KIF26B: variants seen among roughly 807,000 people sequenced by gnomAD.
KIF26B encodes the protein kinesin family member 26B, also known as kinesin-like protein KIF26B.
KIF26B carries 63 observed loss-of-function variants against 151.2 expected under a neutral mutation model. The ratio of observed to expected loss-of-function variants is 0.42; its 90% CI spans 0.34 to 0.51. KIF26B has a LOEUF of 0.51. Among genes scored for constraint, KIF26B ranks in the 20% least tolerant of loss-of-function variants. The pLI is 0.07. For synonymous variants in KIF26B, 1,357 were observed against 1,262.1 expected (o/e 1.08, Z -1.59); for missense variants, 2,813 against 2,913.6 (o/e 0.97, Z 0.79).
intron 4 of KIF26B, among the ~76,000 whole-genome samples, chr1:245,464,716 C>T (rs1280171522): frequency 2.0e-5 from 3 of 151,860 alleles, no homozygotes; most frequent in Non-Finnish European, 4.4e-5. Context: ...GCGTCTGGCA[C>T]ACGGTGTTTT....
intron 2 of KIF26B, among the ~76,000 whole-genome samples, chr1:245,314,739 A>C (rs1671730618): frequency 6.6e-6 from 1 of 152,264 alleles, no homozygotes; most frequent in Non-Finnish European, 1.5e-5. Flanking sequence ...GGTGCCCTCC[A>C]TTCGTCAGTT....
chr1:245,559,419 T>G (rs1662113439), intron 5 of KIF26B, among the ~76,000 whole-genome samples: 1 of 152,164 alleles, frequency 6.6e-6, no homozygotes. Context: ...TTTTGGTTTT[T>G]GGGTTTTTGT....
In KIF26B at chr1:245,560,914, G is replaced by A. The variant is rs1203587587; in HGVS notation, c.1350+19964G>A. ...CCTCCAAAATTGCAGCCCCTAAGGG[G>A]AGCCGTGCTAAGGTGTGATACAGGC... is the stretch of plus-strand genomic sequence containing the variant. On this transcript the variant is annotated intron_variant, in intron 5 of 14. Coordinates refer to ENST00000407071, the MANE Select transcript of KIF26B (RefSeq NM_018012.4). The surrounding 1 kb of genome is among the most constrained non-coding windows in gnomAD (Gnocchi z 4.3). 2.0e-5 allele frequency among the ~76,000 whole-genome samples: 3 copies of A among 152,222 alleles called. No individual in the cohort carries two copies. In the East Asian group the frequency reaches 5.8e-4, roughly 29 times the overall value.
chr1:245,380,062 G>A (rs1231870941), intron 3 of KIF26B, among the ~76,000 whole-genome samples: 2 of 151,938 alleles, frequency 1.3e-5, no homozygotes, highest in East Asian at 3.9e-4. Flanking sequence ...ACAGTCTTTA[G>A]TGTGATGAAT....
At chr1:245,433,476 A>G (rs1420558084) in intron 4 of KIF26B, among the ~76,000 whole-genome samples, 7 of 146,782 alleles carry the variant, frequency 4.8e-5, no homozygotes, top group African/African-American at 1.8e-4. Context: ...CAAAAAAAAA[A>G]AAAGAAGAAG....
intron 8 of KIF26B, among the ~76,000 whole-genome samples, chr1:245,610,417 G>T (rs1207690808): frequency 6.6e-6 from 1 of 152,206 alleles, no homozygotes; most frequent in African/African-American, 2.4e-5. Context: ...CCCCCCCAGA[G>T]TTTCCAATTC....
At chr1:245,700,218 C>T (rs557637255) in intron 14 of KIF26B, among the ~76,000 whole-genome samples, 76 of 152,296 alleles carry the variant, frequency 5.0e-4, no homozygotes, top group African/African-American at 1.8e-3. Flanking sequence ...ACACTTAACT[C>T]TGAGCCTTGA....
chr1:245,157,146 A>C (rs773875105), intron 2 of KIF26B, among the ~76,000 whole-genome samples: 28 of 152,182 alleles, frequency 1.8e-4, no homozygotes, highest in Non-Finnish European at 4.0e-4. Flanking sequence ...GGTTGCAGAA[A>C]CAGAAACATA....
At chr1:245,697,828 C>A (rs1371311380) in intron 12 of KIF26B, among the ~76,000 whole-genome samples, 1 of 152,012 alleles carries the variant, frequency 6.6e-6, no homozygotes, top group African/African-American at 2.4e-5. Flanking sequence ...TCACTTGAGG[C>A]CAGGAGTTTG....
intron 2 of KIF26B, among the ~76,000 whole-genome samples, chr1:245,268,128 C>T (rs1670780953): frequency 2.6e-5 from 4 of 152,124 alleles, no homozygotes; most frequent in South Asian, 4.2e-4. Context: ...GCCATGATTG[C>T]ACCACTGCAC....
rs572682645 is a variant in KIF26B at position 245,248,381 on chromosome 1, C to T, written c.465+91698C>T. ...AGGCACGCTTACCTTCTAGATTTCTCACACTCCTCCAGAGTTGCATTCTGC... is the reference window on the plus strand; with the variant it reads ...AGGCACGCTTACCTTCTAGATTTCTTACACTCCTCCAGAGTTGCATTCTGC... On this transcript the variant is annotated intron_variant, in intron 2 of 14. Transcript: ENST00000407071. Among the ~76,000 whole-genome samples the T allele has an allele frequency of 6.6e-5, 10 of 152,318 alleles. No individual in the cohort carries two copies. In the South Asian group the frequency reaches 2.1e-3, roughly 32 times the overall value.
rs1018756482 is a variant in KIF26B, at chr1:245,639,209, A to C, written c.2099-6912A>C. Among the ~76,000 whole-genome samples, 8 of 151,950 alleles carry C rather than the reference A, an allele frequency of 5.3e-5. No individual in the cohort carries two copies. In the East Asian group the frequency reaches 1.5e-3, roughly 29 times the overall value. On this transcript the variant is annotated intron_variant, in intron 9 of 14. Coordinates refer to ENST00000407071, the MANE Select transcript of KIF26B (RefSeq NM_018012.4). Reference sequence around the variant, plus strand: ...TCACAGTTGAGTTTTGGTAGGTTATATGTTTCCAGGAATTTTTCCATTTTT... The same window carrying C: ...TCACAGTTGAGTTTTGGTAGGTTATCTGTTTCCAGGAATTTTTCCATTTTT...
intron 5 of KIF26B, among the ~76,000 whole-genome samples, chr1:245,595,698 C>T (rs1040399420): frequency 5.3e-5 from 8 of 152,126 alleles, no homozygotes; most frequent in African/African-American, 1.9e-4. Context: ...GGAGGAGTCC[C>T]TCTTTTTCTA....
intron 2 of KIF26B, among the ~76,000 whole-genome samples, chr1:245,277,684 A>G (rs1670963570): frequency 1.3e-5 from 2 of 152,304 alleles, no homozygotes; most frequent in Admixed American, 6.5e-5. Flanking sequence ...TACAGGTTGC[A>G]TTCTTGCCTT....
chr1:245,697,183 C>T (rs1377302083), intron 12 of KIF26B, among the ~76,000 whole-genome samples: 3 of 152,180 alleles, frequency 2.0e-5, no homozygotes, highest in Admixed American at 1.3e-4. Flanking sequence ...AAAATTAACA[C>T]AGCAGTGAGT....
chr1:245,546,561 C>T (rs1178966542), intron 5 of KIF26B, among the ~76,000 whole-genome samples: 3 of 152,192 alleles, frequency 2.0e-5, no homozygotes, highest in Non-Finnish European at 4.4e-5. Context: ...GAGAAAAGCT[C>T]TGAGCCAGAA....
chr1:245,672,130 A>C (rs751446974), intron 10 of KIF26B, among the ~76,000 whole-genome samples: 7 of 151,858 alleles, frequency 4.6e-5, no homozygotes, highest in Non-Finnish European at 1.0e-4. Context: ...GGGGAATAAC[A>C]GTCTTGGTGG....
chr1:245,440,287 C>T (rs564543737), intron 4 of KIF26B, among the ~76,000 whole-genome samples: 2 of 151,828 alleles, frequency 1.3e-5, no homozygotes, highest in African/African-American at 2.4e-5. Context: ...GCCTGGTGAG[C>T]GGGTAGAGAC....
intron 3 of KIF26B, among the ~76,000 whole-genome samples, chr1:245,369,664 G>A (rs1171016710): frequency 2.6e-5 from 4 of 152,220 alleles, no homozygotes; most frequent in African/African-American, 9.6e-5. Flanking sequence ...ACAGCCAGTG[G>A]CAGAACCAGC....
Sources: gnomAD v4.1 joint callset for allele counts (sites outside exome capture counted in the v4.1 genomes callset) on GRCh38, gnomAD v4.1.1 for gene constraint, Gnocchi (gnomAD v3.1) non-coding constraint, MANE v1.5 for transcripts, NCBI Gene and HGNC (gene_info 2026-07-23, HGNC 2026-07-21) for gene names.